Variants in PDE7B observed in about 807,000 individuals in gnomAD.
PDE7B encodes 3',5'-cyclic-AMP phosphodiesterase 7B.
PDE7B carries 29 observed loss-of-function variants against 56.2 expected under a neutral mutation model. The observed-to-expected ratio is 0.52, with a 90% CI of 0.38 to 0.70. The LOEUF (loss-of-function observed/expected upper bound fraction) is 0.70. Among genes scored for constraint, PDE7B ranks in the 30% least tolerant of loss-of-function variants. The pLI is 0.00. For missense variants in PDE7B, 490 were observed against 565.0 expected (o/e 0.87, Z 1.35); for synonymous variants, 197 against 196.9 (o/e 1.00, Z 0.00).
chr6:136,098,047 C>G (rs1777496958), intron 2 of PDE7B: 2 of 149,808 alleles, frequency 1.3e-5, no homozygotes, highest in Admixed American at 1.4e-4. Context: ...AACATCACCC[C>G]TTAAGGGAAC....
chr6:136,154,724 A>G (rs1489851403), intron 7 of PDE7B, among the ~76,000 whole-genome samples: 1 of 152,222 alleles, frequency 6.6e-6, no homozygotes, highest in Non-Finnish European at 1.5e-5. Flanking sequence ...TTAAAAATTA[A>G]AAACATTGTA....
chr6:136,109,833 A>G (rs1328560697), intron 3 of PDE7B, among the ~76,000 whole-genome samples: 3 of 152,216 alleles, frequency 2.0e-5, no homozygotes, highest in Non-Finnish European at 2.9e-5. Context: ...GAGCAAGTGG[A>G]TAAATTTCAC....
At chr6:135,975,447 G>A (rs965909220) in intron 2 of PDE7B, among the ~76,000 whole-genome samples, 12 of 152,082 alleles carry the variant, frequency 7.9e-5, no homozygotes, top group Admixed American at 3.3e-4. Flanking sequence ...AAAGTGAGGA[G>A]CAGGTCCTTC....
At chr6:136,102,402 A>C (rs997162739) in intron 2 of PDE7B, among the ~76,000 whole-genome samples, 3 of 152,208 alleles carry the variant, frequency 2.0e-5, no homozygotes, top group African/African-American at 7.2e-5. Context: ...TATATAATGC[A>C]TTTCTAAAAA....
At chr6:136,046,460 A>G (rs1776509744) in intron 2 of PDE7B, 1 of 152,214 alleles carries the variant, frequency 6.6e-6, no homozygotes, top group Non-Finnish European at 1.5e-5. Context: ...TTGAATAAAT[A>G]CCTTGCCACT....
chr6:135,961,774 T>C (rs1774907143), intron 2 of PDE7B, among the ~76,000 whole-genome samples: 1 of 152,200 alleles, frequency 6.6e-6, no homozygotes, highest in Non-Finnish European at 1.5e-5. Flanking sequence ...TAATTAATTT[T>C]CATTTTTTCT....
chr6:136,064,973 A>G (rs1392940422), intron 2 of PDE7B, among the ~76,000 whole-genome samples: 1 of 152,238 alleles, frequency 6.6e-6, no homozygotes, highest in Non-Finnish European at 1.5e-5. Flanking sequence ...TGCAAGTAAC[A>G]GAGTCCAACA....
chr6:135,939,919 C>A (rs1382694460), intron 1 of PDE7B, among the ~76,000 whole-genome samples: 1 of 152,068 alleles, frequency 6.6e-6, no homozygotes, highest in Non-Finnish European at 1.5e-5. Flanking sequence ...ACATCTGGAG[C>A]CAATTAAGAG....
At position 136,191,551 on chromosome 6, in the gene PDE7B, G is replaced by A. The variant is rs111689173; in HGVS notation, c.1127-63G>A. 860 of 1,364,424 alleles carry A rather than the reference G, an allele frequency of 6.3e-4. 5 individuals are homozygous for A. In the African/African-American group the frequency reaches 0.011, roughly 17 times the overall value. The allele number at this position is 1,364,424 out of a possible 1,614,324, so 84.5% of individuals were successfully genotyped here. A position where few individuals can be genotyped will look rare whatever the true frequency, so the allele number is the denominator to read the frequency against. ...GCGTGGTGGGTCCCCAGTCATGCTC[G>A]GGAGGGAGTAAGGAGCGGGTTTCAC... On this transcript the variant is annotated intron_variant, in intron 12 of 12. Coordinates refer to ENST00000308191, the MANE Select transcript of PDE7B (RefSeq NM_018945.4).
chr6:135,887,327 C>A (rs1174159235), intron 1 of PDE7B, among the ~76,000 whole-genome samples: 4 of 152,072 alleles, frequency 2.6e-5, no homozygotes, highest in African/African-American at 7.2e-5. Flanking sequence ...TGTGCAAGAC[C>A]TTTTGTTAGA....
At chr6:135,879,071 T>C (rs1005612043) in intron 1 of PDE7B, among the ~76,000 whole-genome samples, 5 of 152,108 alleles carry the variant, frequency 3.3e-5, no homozygotes, top group African/African-American at 9.6e-5. Flanking sequence ...TTTGACTTCA[T>C]GGTTTCTCAT....
intron 3 of PDE7B, among the ~76,000 whole-genome samples, chr6:136,145,259 A>G (rs1286732767): frequency 6.6e-6 from 1 of 152,080 alleles, no homozygotes; most frequent in Non-Finnish European, 1.5e-5. Flanking sequence ...TTTACAATCC[A>G]TTCTTTCGTT....
At position 135,948,856 on chromosome 6, in the gene PDE7B, TAGATAG is replaced by T. The variant is rs1461201319; in HGVS notation, c.82+1334_82+1339del. 4.4e-3 allele frequency among the ~76,000 whole-genome samples: 333 copies of T among 75,510 alleles called. 3 individuals carry two copies. The highest frequency in any genetic ancestry group is 0.013 in the Middle Eastern group (2 of 152). The allele number at this position is 75,510 out of a possible 152,430, so 49.5% of individuals were successfully genotyped here. Reference sequence around the variant, plus strand: ...ATATTTCAGGTACTAGATAGATAGATAGATAGATAGATAGATAGATAGATAGATAGA... The same window carrying T: ...ATATTTCAGGTACTAGATAGATAGATATAGATAGATAGATAGATAGATAGA... On this transcript the variant is annotated intron_variant, in intron 2 of 12. Coordinates refer to ENST00000308191, the MANE Select transcript of PDE7B (RefSeq NM_018945.4).
intron 2 of PDE7B, among the ~76,000 whole-genome samples, chr6:136,064,942 G>T (rs973853714): frequency 2.6e-5 from 4 of 152,188 alleles, no homozygotes; most frequent in South Asian, 2.1e-4. Context: ...AATATTCATT[G>T]TGAATGAATG....
intron 8 of PDE7B, among the ~76,000 whole-genome samples, chr6:136,156,594 C>A (rs1237295939): frequency 6.6e-6 from 1 of 152,120 alleles, no homozygotes; most frequent in East Asian, 1.9e-4. Context: ...ATATCAGTCA[C>A]CTGTTCAACT....
At chr6:135,897,366 A>G (rs927322292) in intron 1 of PDE7B, among the ~76,000 whole-genome samples, 1 of 151,996 alleles carries the variant, frequency 6.6e-6, no homozygotes, top group African/African-American at 2.4e-5. Flanking sequence ...TTTTGAGAGT[A>G]GGGTCAATGT....
intron 3 of PDE7B, among the ~76,000 whole-genome samples, chr6:136,112,078 C>T (rs1196615773): frequency 1.3e-5 from 2 of 152,034 alleles, no homozygotes; most frequent in Non-Finnish European, 2.9e-5. Flanking sequence ...GGTGGGTGTC[C>T]CTCCCCCACC....
intron 3 of PDE7B, among the ~76,000 whole-genome samples, chr6:136,111,397 G>A (rs966060566): frequency 6.6e-6 from 1 of 152,146 alleles, no homozygotes; most frequent in African/African-American, 2.4e-5. Context: ...GGGTAGGAAT[G>A]AAGGCCTCTA....
At chr6:135,911,790 C>A (rs939969009) in intron 1 of PDE7B, among the ~76,000 whole-genome samples, 14 of 152,218 alleles carry the variant, frequency 9.2e-5, no homozygotes, top group African/African-American at 3.4e-4. Flanking sequence ...AGATGTACTA[C>A]AAGACTTCAA....
Sources: allele counts gnomAD v4.1 joint callset (sites outside exome capture counted in the v4.1 genomes callset), GRCh38; gene constraint gnomAD v4.1.1; transcripts MANE v1.5; gene names NCBI Gene and HGNC (gene_info 2026-07-23, HGNC 2026-07-21).